Variants in ERC2 observed in about 807,000 individuals in gnomAD.
ERC2 encodes the protein ERC protein 2.
A neutral mutation model predicts 114.8 loss-of-function variants in ERC2; 42 were observed. The observed-to-expected ratio is 0.37, with a 90% CI of 0.29 to 0.47. The LOEUF is 0.47. Among genes scored for constraint, ERC2 ranks in the 20% least tolerant of loss-of-function variants. The pLI, the probability that ERC2 is intolerant of heterozygous loss-of-function variation, is 0.99. For missense variants in ERC2, 939 were observed against 1,150.7 expected (o/e 0.82, Z 2.66); for synonymous variants, 454 against 425.5 (o/e 1.07, Z -0.82).
At chr3:55,794,929 C>A (rs867788546) in intron 14 of ERC2, among the ~76,000 whole-genome samples, 5 of 152,118 alleles carry the variant, frequency 3.3e-5, no homozygotes, top group African/African-American at 9.7e-5. Context: ...ACCATCATGT[C>A]ATTTTCACTT....
chr3:56,286,414 C>CAAAAAAAAAAAAAAAAAAAA, intron 3 of ERC2, among the ~76,000 whole-genome samples: 1 of 30,314 alleles, frequency 3.3e-5, no homozygotes, highest in African/African-American at 1.4e-4. Context: ...AACTCCATCT[C>CAAAAAAAAAAAAAAAAAAAA]AAAAAAAAAA....
intron 14 of ERC2, among the ~76,000 whole-genome samples, chr3:55,863,271 T>A (rs1174586395): frequency 1.3e-5 from 2 of 152,138 alleles, no homozygotes; most frequent in Non-Finnish European, 2.9e-5. Context: ...CAGTACTGGA[T>A]AAGTGAGGCA....
intron 7 of ERC2, among the ~76,000 whole-genome samples, chr3:56,030,004 T>C (rs1380222435): frequency 6.6e-6 from 1 of 152,156 alleles, no homozygotes. Flanking sequence ...CACATTTTGA[T>C]ATTTTGTGTT....
intron 7 of ERC2, among the ~76,000 whole-genome samples, chr3:56,073,025 TAGAC>T (rs1053374353): frequency 1.3e-5 from 2 of 152,184 alleles, no homozygotes; most frequent in African/African-American, 2.4e-5. Flanking sequence ...TGAAAATTGT[TAGAC>T]AGAAAGAGTA....
At chr3:56,141,167 G>T (rs771930682) in intron 5 of ERC2, among the ~76,000 whole-genome samples, 1 of 152,096 alleles carries the variant, frequency 6.6e-6, no homozygotes, top group African/African-American at 2.4e-5. Context: ...TTTGATATGC[G>T]TTGTGCAGGT....
chr3:56,097,123 ACT>A (rs994611010), intron 6 of ERC2, among the ~76,000 whole-genome samples: 5 of 152,130 alleles, frequency 3.3e-5, no homozygotes, highest in African/African-American at 9.7e-5. Flanking sequence ...GTAACACCAA[ACT>A]CTGTGCAAAT....
At chr3:55,819,868 C>T (rs1028503938) in intron 14 of ERC2, among the ~76,000 whole-genome samples, 2 of 152,194 alleles carry the variant, frequency 1.3e-5, no homozygotes, top group Non-Finnish European at 2.9e-5. Flanking sequence ...GCCTGGGCTT[C>T]CTCTCCTTTC....
intron 1 of ERC2, among the ~76,000 whole-genome samples, chr3:56,466,343 T>G (rs748779165): frequency 6.6e-6 from 1 of 152,162 alleles, no homozygotes. Flanking sequence ...AATCAGTAAT[T>G]TTTCTAATGA....
chr3:56,447,888 G>A (rs543346138), intron 1 of ERC2, among the ~76,000 whole-genome samples: 54 of 151,912 alleles, frequency 3.6e-4, no homozygotes, highest in African/African-American at 1.2e-3. Context: ...GATTACAGGT[G>A]CCCACCACCA....
At chr3:56,408,408 G>A (rs12636470) in intron 2 of ERC2, among the ~76,000 whole-genome samples, 8,814 of 152,148 alleles carry the variant, frequency 0.058, 613 homozygotes, top group East Asian at 0.38. Context: ...AGCAATCTGG[G>A]TTAAGTAAGG....
chr3:56,057,038 C>G (rs2076048967), intron 7 of ERC2, among the ~76,000 whole-genome samples: 1 of 152,148 alleles, frequency 6.6e-6, no homozygotes, highest in Non-Finnish European at 1.5e-5. Context: ...AATTTAACCT[C>G]AGGTCTTTTC....
At chr3:55,813,626 C>A (rs2059802732) in intron 14 of ERC2, among the ~76,000 whole-genome samples, 2 of 152,178 alleles carry the variant, frequency 1.3e-5, no homozygotes, top group South Asian at 4.1e-4. Flanking sequence ...GACCAGGTAG[C>A]CAGCTTTCTA....
chr3:55,705,771 C>T (rs962544156), intron 15 of ERC2, among the ~76,000 whole-genome samples: 17 of 152,270 alleles, frequency 1.1e-4, no homozygotes, highest in African/African-American at 4.1e-4. Context: ...AAAGGTGGCT[C>T]TCTCTCTCGG....
chr3:55,661,321 A>C (rs2061125654), intron 17 of ERC2, among the ~76,000 whole-genome samples: 1 of 152,280 alleles, frequency 6.6e-6, no homozygotes, highest in South Asian at 2.1e-4. Flanking sequence ...TCACTGGCAG[A>C]ATTCAGCTCC....
At chr3:56,024,196 G>C (rs2073904894) in intron 7 of ERC2, among the ~76,000 whole-genome samples, 1 of 152,156 alleles carries the variant, frequency 6.6e-6, no homozygotes, top group South Asian at 2.1e-4. Context: ...TGCCAGAAAG[G>C]CTAGAAAATC....
intron 10 of ERC2, among the ~76,000 whole-genome samples, chr3:55,998,610 G>T (rs543458682): frequency 1.3e-5 from 2 of 152,076 alleles, no homozygotes; most frequent in Non-Finnish European, 2.9e-5. Flanking sequence ...AGAGTGAGTC[G>T]AATACTTTTC....
intron 17 of ERC2, among the ~76,000 whole-genome samples, chr3:55,557,914 C>T (rs969792079): frequency 6.6e-6 from 1 of 152,236 alleles, no homozygotes; most frequent in East Asian, 1.9e-4. Flanking sequence ...GGGCTCAAGG[C>T]CTCCCAGTAC....
chr3:55,839,613 A>G (rs1598884), intron 14 of ERC2, among the ~76,000 whole-genome samples: 12,904 of 152,030 alleles, frequency 0.085, 837 homozygotes, highest in African/African-American at 0.18. Context: ...ATGGTATAAT[A>G]TTATTTGAAG....
intron 5 of ERC2, among the ~76,000 whole-genome samples, chr3:56,145,623 T>C (rs1444668545): frequency 1.3e-5 from 2 of 152,152 alleles, no homozygotes; most frequent in African/African-American, 2.4e-5. Flanking sequence ...AGAGACAATG[T>C]TCATGTGCCA....
Sources: allele counts gnomAD v4.1 joint callset (sites outside exome capture counted in the v4.1 genomes callset), GRCh38; gene constraint gnomAD v4.1.1; transcripts MANE v1.5; gene names NCBI Gene and HGNC (gene_info 2026-07-23, HGNC 2026-07-21).